Variants in ZNF395 observed in about 807,000 individuals in gnomAD.
ZNF395 encodes zinc finger protein 395, also known as HD gene regulatory region-binding protein 2.
A neutral mutation model predicts 57.7 loss-of-function variants in ZNF395; 20 were observed. The observed-to-expected ratio is 0.35, with a 90% CI of 0.24 to 0.50. The LOEUF (loss-of-function observed/expected upper bound fraction) is 0.50. Among genes scored for constraint, ZNF395 ranks in the 20% least tolerant of loss-of-function variants. The pLI, the probability that ZNF395 is intolerant of heterozygous loss-of-function variation, is 0.97. For synonymous variants in ZNF395, 295 were observed against 275.9 expected (o/e 1.07, Z -0.69); for missense variants, 606 against 671.2 (o/e 0.90, Z 1.07).
intron 1 of ZNF395, among the ~76,000 whole-genome samples, chr8:28,383,991 ATTCATCTCATCCCTTCAC>A: frequency 6.6e-6 from 1 of 152,196 alleles, no homozygotes; most frequent in Middle Eastern, 3.4e-3. Flanking sequence ...ATTAATTTCC[ATTCATCTCATCCCTTCAC>A]CCTGCCCTGT....
intron 6 of ZNF395, 123 bp from the exon 7 acceptor site, chr8:28,351,930 G>A (rs771516775): frequency 6.0e-6 from 7 of 1,157,732 alleles, no homozygotes; most frequent in Non-Finnish European, 8.4e-6. Flanking sequence ...CGGAGCCCAA[G>A]AGAACACCCA....
Position 28,359,483 on chromosome 8 carries a change from A to T in ZNF395, c.473+109T>A. ...GTCCCATTTGTCCCAATATCTTGGC[A>T]CCCAGATGCCAATGACACCACATTT... is the stretch of plus-strand genomic sequence containing the variant. On this transcript the variant is annotated intron_variant, in intron 3 of 9. Coordinates refer to ENST00000344423, the MANE Select transcript of ZNF395 (RefSeq NM_018660.3). The surrounding 1 kb of genome is among the most constrained non-coding windows in gnomAD (Gnocchi z 4.7). 1.4e-6 allele frequency: 2 copies of T among 1,435,780 alleles called. No homozygotes were observed. Among genetic ancestry groups the T allele is most frequent in the Non-Finnish European group, 1.9e-6 (2 of 1,078,190 alleles). The allele number at this position is 1,435,780 out of a possible 1,614,324, so 88.9% of individuals were successfully genotyped here. A position where few individuals can be genotyped will look rare whatever the true frequency, so the allele number is the denominator to read the frequency against.
At chr8:28,364,340 A>G (rs1281941334) in intron 1 of ZNF395, among the ~76,000 whole-genome samples, 2 of 152,166 alleles carry the variant, frequency 1.3e-5, no homozygotes, top group Non-Finnish European at 2.9e-5. Context: ...TCCCTATGTT[A>G]GTGAACCTTG....
At chr8:28,375,056 GCCT>G (rs1361390994) in intron 1 of ZNF395, among the ~76,000 whole-genome samples, 2 of 152,068 alleles carry the variant, frequency 1.3e-5, no homozygotes, top group Non-Finnish European at 2.9e-5. Context: ...CGCACCCCCT[GCCT>G]CCTCCTCAAA....
At chr8:28,363,712 A>C (rs1029774865) in intron 1 of ZNF395, among the ~76,000 whole-genome samples, 1 of 152,198 alleles carries the variant, frequency 6.6e-6, no homozygotes, top group East Asian at 1.9e-4. Flanking sequence ...GAAAATGAAG[A>C]AAGGGTAGTA....
intron 1 of ZNF395, among the ~76,000 whole-genome samples, chr8:28,361,952 A>G (rs1272422739): frequency 6.6e-6 from 1 of 152,018 alleles, no homozygotes; most frequent in African/African-American, 2.4e-5. Context: ...TTAGCCAGGC[A>G]TGGTGGCACA....
At chr8:28,364,928 C>T (rs1367064563) in intron 1 of ZNF395, among the ~76,000 whole-genome samples, 1 of 152,218 alleles carries the variant, frequency 6.6e-6, no homozygotes, top group African/African-American at 2.4e-5. Flanking sequence ...CAGCCCAAGC[C>T]ACTGTTAATC....
chr8:28,352,490 T>G lies in ZNF395; in HGVS notation c.920+83A>C. ...GCAAGCCACGTTCCTGAAAGCACTGTGGGCTGTGGGTCACAGGGACTCGGC... is the reference window on the plus strand; with the variant it reads ...GCAAGCCACGTTCCTGAAAGCACTGGGGGCTGTGGGTCACAGGGACTCGGC... On this transcript the variant is annotated intron_variant, in intron 6 of 9. Transcript: ENST00000344423. This position sits in a 1 kb window ranked among gnomAD's most constrained non-coding sequence, Gnocchi z 4.0. 1 of 1,244,110 alleles carries G rather than the reference T, an allele frequency of 8.0e-7. No individual in the cohort carries two copies. The highest frequency in any genetic ancestry group is 1.2e-6 in the Non-Finnish European group (1 of 861,016). 77.1% of individuals were successfully genotyped at this position (1,244,110 alleles called of 1,614,324 possible).
chr8:28,369,910 T>A (rs1006535796), intron 1 of ZNF395, among the ~76,000 whole-genome samples: 1 of 152,210 alleles, frequency 6.6e-6, no homozygotes, highest in Admixed American at 6.5e-5. Flanking sequence ...CTGCCCTTAA[T>A]GAATTTGGGG....
intron 1 of ZNF395, among the ~76,000 whole-genome samples, chr8:28,385,691 G>C (rs1191798331): frequency 1.3e-5 from 2 of 148,780 alleles, no homozygotes; most frequent in Non-Finnish European, 3.0e-5. Flanking sequence ...AAAGGGCCGG[G>C]GAGGGGCAGG....
At chr8:28,348,939 A>C (rs573256461) in intron 9 of ZNF395, 109 bp from the exon 10 acceptor site, 1 of 1,281,190 alleles carries the variant, frequency 7.8e-7, no homozygotes, top group African/African-American at 1.5e-5. Context: ...AGCTCCCGGC[A>C]AAAGTCACCA....
intron 4 of ZNF395, among the ~76,000 whole-genome samples, chr8:28,355,065 T>C (rs566595600): frequency 8.5e-5 from 13 of 152,198 alleles, no homozygotes; most frequent in African/African-American, 3.1e-4. Context: ...AATGTGTAAG[T>C]TGTGACTCCA....
At chr8:28,351,285 C>A in intron 7 of ZNF395, 1 of 512,882 alleles carries the variant, frequency 1.9e-6, no homozygotes, top group Non-Finnish European at 3.4e-6. Context: ...TTCCTAGTAA[C>A]CACTCATGAC....
At position 28,348,019 on chromosome 8, in the gene ZNF395, C is replaced by T. The variant is rs186947810; in HGVS notation, c.*700G>A. On this transcript the variant is annotated 3_prime_UTR_variant, in exon 10 of 10. Transcript: ENST00000344423. ...TCAGCCTTTTGGCTCAGCTATTTGG[C>T]GACAGTCTTTTAAAAAACCTCTTTC... 6.6e-5 allele frequency: 10 copies of T among 152,224 alleles called. No individual in the cohort carries two copies. Among genetic ancestry groups the T allele is most frequent in the East Asian group, 3.9e-4 (2 of 5,184 alleles). The allele number at this position is 152,224 out of a possible 1,614,324, so 9.4% of individuals were successfully genotyped here. A position where few individuals can be genotyped will look rare whatever the true frequency, so the allele number is the denominator to read the frequency against.
intron 1 of ZNF395, among the ~76,000 whole-genome samples, chr8:28,365,157 C>T (rs959310635): frequency 9.2e-5 from 14 of 152,208 alleles, no homozygotes; most frequent in Non-Finnish European, 7.3e-5. Flanking sequence ...TGTTAATCAG[C>T]ACACTCATGA....
intron 1 of ZNF395, 54 bp from the exon 2 acceptor site, chr8:28,361,236 AG>A: frequency 6.8e-7 from 1 of 1,478,088 alleles, no homozygotes; most frequent in South Asian, 1.2e-5. Context: ...GGAGCCAGGA[AG>A]GGTCTACTAA....
At chr8:28,357,652 C>T (rs144922658) in intron 3 of ZNF395, among the ~76,000 whole-genome samples, 15 of 152,348 alleles carry the variant, frequency 9.8e-5, no homozygotes, top group African/African-American at 3.1e-4. Context: ...ACGTGAAACA[C>T]ATTAGCACCT....
intron 1 of ZNF395, among the ~76,000 whole-genome samples, chr8:28,382,619 G>T (rs2130001132): frequency 6.6e-6 from 1 of 152,262 alleles, no homozygotes; most frequent in Admixed American, 6.5e-5. Context: ...CCCACAGGTA[G>T]TTATTCTTTA....
intron 1 of ZNF395, among the ~76,000 whole-genome samples, chr8:28,366,808 A>C (rs1801915758): frequency 8.7e-6 from 1 of 115,490 alleles, no homozygotes. Context: ...TTCCCCAAAG[A>C]AAGTTTAAAA....
Sources: allele counts gnomAD v4.1 joint callset (sites outside exome capture counted in the v4.1 genomes callset), GRCh38; gene constraint gnomAD v4.1.1; non-coding constraint Gnocchi (gnomAD v3.1); transcripts MANE v1.5; gene names NCBI Gene and HGNC (gene_info 2026-07-23, HGNC 2026-07-21).